Variants in CACNA1D observed in about 807,000 individuals in gnomAD.
The protein encoded by CACNA1D is voltage-dependent L-type calcium channel subunit alpha-1D.
CACNA1D carries 55 observed loss-of-function variants against 257.1 expected under a neutral mutation model. The ratio of observed to expected loss-of-function variants is 0.21; its 90% CI spans 0.17 to 0.27. The LOEUF (loss-of-function observed/expected upper bound fraction) is 0.27, where lower values mean the gene tolerates loss of function less well. CACNA1D is among the 10% of genes least tolerant of loss of function. CACNA1D has a pLI of 1.00. For synonymous variants in CACNA1D, 980 were observed against 1,014.9 expected (o/e 0.97, Z 0.65); for missense variants, 1,876 against 2,784.0 (o/e 0.67, Z 7.34).
intron 3 of CACNA1D, among the ~76,000 whole-genome samples, chr3:53,641,018 G>A (rs1477639192): frequency 6.6e-6 from 1 of 152,146 alleles, no homozygotes; most frequent in Non-Finnish European, 1.5e-5. Flanking sequence ...AGACAAACAG[G>A]AGTGCTTTCA....
chr3:53,720,698 CCACTACA>C (rs1160685064), intron 11 of CACNA1D, among the ~76,000 whole-genome samples: 1 of 152,166 alleles, frequency 6.6e-6, no homozygotes, highest in Non-Finnish European at 1.5e-5. Context: ...CAGTTAGATA[CCACTACA>C]CATCTATTAG....
intron 38 of CACNA1D, among the ~76,000 whole-genome samples, chr3:53,780,779 A>G (rs2095421457): frequency 6.6e-6 from 1 of 152,198 alleles, no homozygotes; most frequent in Non-Finnish European, 1.5e-5. Flanking sequence ...GCAGATTGCA[A>G]CAGGCTGAGG....
intron 3 of CACNA1D, among the ~76,000 whole-genome samples, chr3:53,520,890 C>CTTTTCT (rs1553713090): frequency 2.5e-5 from 3 of 120,558 alleles, no homozygotes; most frequent in Admixed American, 8.3e-5. Context: ...TTCTTTCTTT[C>CTTTTCT]TTTCTTTTCT....
In CACNA1D at chr3:53,776,057, A is replaced by G. The variant is rs892502641; in HGVS notation, c.4362+12A>G. The G allele has an allele frequency of 6.2e-6, 10 of 1,611,774 alleles. No individual in the cohort carries two copies. The highest frequency in any genetic ancestry group is 6.8e-6 in the Non-Finnish European group (8 of 1,177,954). ...TCTGTGCATTTCTGGTAAGTGAGCA[A>G]CACAGCTCCCCCTCTCAATTTACAG... is the stretch of plus-strand genomic sequence containing the variant. On this transcript the variant is annotated intron_variant, in intron 35 of 47. Transcript: ENST00000350061.
At chr3:53,807,574 G>A (rs2095573316) in intron 45 of CACNA1D, 1 of 152,338 alleles carries the variant, frequency 6.6e-6, no homozygotes, top group African/African-American at 2.4e-5. Context: ...GAGAAAAGCA[G>A]CGGTCAAGAT....
chr3:53,666,570 C>T, intron 7 of CACNA1D, 35 bp downstream of exon 7: 1 of 1,566,238 alleles, frequency 6.4e-7, no homozygotes, highest in South Asian at 1.1e-5. Context: ...ATGGAGTGTT[C>T]TTTGCTTGGA....
chr3:53,539,573 G>T (rs1398681121), intron 3 of CACNA1D, among the ~76,000 whole-genome samples: 1 of 152,220 alleles, frequency 6.6e-6, no homozygotes, highest in Non-Finnish European at 1.5e-5. Flanking sequence ...AAGAATTGCT[G>T]CTAACCTTGT....
intron 3 of CACNA1D, among the ~76,000 whole-genome samples, chr3:53,619,096 A>G (rs542620641): frequency 6.6e-6 from 1 of 152,160 alleles, no homozygotes; most frequent in Non-Finnish European, 1.5e-5. Context: ...AAGTATTAGC[A>G]TAACAGTAGG....
chr3:53,622,403 A>G (rs546533542), intron 3 of CACNA1D, among the ~76,000 whole-genome samples: 3 of 152,370 alleles, frequency 2.0e-5, no homozygotes, highest in African/African-American at 7.2e-5. Flanking sequence ...ACAAATTATT[A>G]TAGCAACTTT....
chr3:53,720,785 A>G (rs2094875124), intron 11 of CACNA1D, among the ~76,000 whole-genome samples: 1 of 152,252 alleles, frequency 6.6e-6, no homozygotes, highest in Admixed American at 6.5e-5. Flanking sequence ...GAACTTTCAT[A>G]CAGTGTTGAT....
chr3:53,567,102 C>T (rs879619498), intron 3 of CACNA1D, among the ~76,000 whole-genome samples: 17 of 152,074 alleles, frequency 1.1e-4, no homozygotes, highest in African/African-American at 1.9e-4. Flanking sequence ...CTTATGGAGA[C>T]GATAATCTTG....
At chr3:53,624,529 C>T (rs1288869264) in intron 3 of CACNA1D, among the ~76,000 whole-genome samples, 1 of 152,158 alleles carries the variant, frequency 6.6e-6, no homozygotes, top group Non-Finnish European at 1.5e-5. Context: ...CTTTACTACC[C>T]CTCTCCCTGC....
chr3:53,769,653 C>G (rs2095355504), intron 30 of CACNA1D, among the ~76,000 whole-genome samples: 1 of 152,220 alleles, frequency 6.6e-6, no homozygotes, highest in Admixed American at 6.5e-5. Flanking sequence ...GCCAAGAGAA[C>G]TAGCCTCCTC....
chr3:53,713,494 CTGTGTGTA>C lies in CACNA1D; in HGVS notation c.1391-4799_1391-4792del, dbSNP rs199966126. The stretch of plus-strand genomic sequence containing the variant: ...GGACCCACACATAGACTCATTTGCT[CTGTGTGTA>C]TGTGTGTGTGTGTGTGTGTGTGTGT... On this transcript the variant is annotated intron_variant, in intron 9 of 47. Transcript: ENST00000350061. Among the ~76,000 whole-genome samples the C allele has an allele frequency of 4.1e-3, 451 of 110,752 alleles. 4 individuals carry two copies. Among genetic ancestry groups the C allele is most frequent in the African/African-American group, 0.018 (416 of 22,500 alleles). The allele number at this position is 110,752 out of a possible 152,430, so 72.7% of individuals were successfully genotyped here. A position where few individuals can be genotyped will look rare whatever the true frequency, so the allele number is the denominator to read the frequency against.
Position 53,673,658 on chromosome 3 carries a change from G to T in CACNA1D, c.1220+532G>T. 7.6e-7 allele frequency: 1 copy of T among 1,317,960 alleles called. No individual in the cohort carries two copies. The highest frequency in any genetic ancestry group is 1.1e-6 in the Non-Finnish European group (1 of 909,600). 81.6% of individuals were successfully genotyped at this position (1,317,960 alleles called of 1,614,324 possible). ...TGAGAGGTTTGGCAGCTGCAACTGGGGCTCTGCTCTTTAGTAAATGGATAA... is the reference window on the plus strand; with the variant it reads ...TGAGAGGTTTGGCAGCTGCAACTGGTGCTCTGCTCTTTAGTAAATGGATAA... On this transcript the variant is annotated intron_variant, in intron 8 of 47. Coordinates refer to ENST00000350061, the MANE Select transcript of CACNA1D (RefSeq NM_001128840.3). The surrounding 1 kb of genome is among the most constrained non-coding windows in gnomAD (Gnocchi z 4.1).
At chr3:53,767,056 A>G (rs539885303) in intron 30 of CACNA1D, among the ~76,000 whole-genome samples, 2 of 152,056 alleles carry the variant, frequency 1.3e-5, no homozygotes, top group Non-Finnish European at 2.9e-5. Flanking sequence ...TCATCCGTGT[A>G]CTGTTCCCTC....
chr3:53,750,001 C>G (rs2095211767), intron 27 of CACNA1D, among the ~76,000 whole-genome samples: 1 of 152,206 alleles, frequency 6.6e-6, no homozygotes, highest in Admixed American at 6.5e-5. Flanking sequence ...TGTCTCCAGA[C>G]ATTGCCAAGT....
chr3:53,650,752 G>C (rs370962197), intron 3 of CACNA1D, 27 bp from the exon 4 acceptor site: 16 of 1,612,238 alleles, frequency 9.9e-6, no homozygotes, highest in Admixed American at 3.3e-5. Flanking sequence ...CTGCTTTTTT[G>C]GTATGTTTCT....
rs1335948234 is a variant in CACNA1D, at chr3:53,723,006, G to A, written c.1667-428G>A. Among the ~76,000 whole-genome samples the A allele has an allele frequency of 1.3e-5, 2 of 152,070 alleles. No individual in the cohort carries two copies. Among genetic ancestry groups the A allele is most frequent in the Non-Finnish European group, 1.5e-5 (1 of 68,032 alleles). ...CAGCTGTTAGAAATGACATTGATAGGTGACTGCTTCTGATATCGTCATGCC... is the reference window on the plus strand; with the variant it reads ...CAGCTGTTAGAAATGACATTGATAGATGACTGCTTCTGATATCGTCATGCC... On this transcript the variant is annotated intron_variant, in intron 12 of 47. Coordinates refer to ENST00000350061, the MANE Select transcript of CACNA1D (RefSeq NM_001128840.3). The surrounding 1 kb of genome is among the most constrained non-coding windows in gnomAD (Gnocchi z 5.6).
Sources: gnomAD v4.1 joint callset for allele counts (sites outside exome capture counted in the v4.1 genomes callset) on GRCh38, gnomAD v4.1.1 for gene constraint, Gnocchi (gnomAD v3.1) non-coding constraint, MANE v1.5 for transcripts, NCBI Gene and HGNC (gene_info 2026-07-23, HGNC 2026-07-21) for gene names.